PSD2: variants seen among roughly 807,000 people sequenced by gnomAD.
PSD2 encodes pleckstrin and Sec7 domain containing 2.
In PSD2, 38 loss-of-function variants were observed where a neutral mutation model predicts 69.8. The ratio of observed to expected loss-of-function variants is 0.54; its 90% CI spans 0.42 to 0.71. The LOEUF is 0.71. Among genes scored for constraint, PSD2 ranks in the 30% least tolerant of loss-of-function variants. PSD2 has a pLI of 0.00. For missense variants in PSD2, 943 were observed against 1,014.5 expected, an observed-to-expected ratio of 0.93 and a Z score of 0.96; for synonymous variants, 412 against 423.0, an observed-to-expected ratio of 0.97 and a Z score of 0.32.
upstream of PSD2, among the ~76,000 whole-genome samples, chr5:139,794,922 TAG>T (rs1041029475): frequency 2.0e-5 from 3 of 152,272 alleles, no homozygotes; most frequent in South Asian, 4.1e-4. Context: ...CTTCTTCAGT[TAG>T]AGTCCTGGGC....
At chr5:139,832,399 A>G (rs1204154296) in intron 7 of PSD2, among the ~76,000 whole-genome samples, 1 of 152,268 alleles carries the variant, frequency 6.6e-6, no homozygotes, top group Admixed American at 6.5e-5. Flanking sequence ...GAAAAGGCAT[A>G]GAAAGTTCTT....
intron 7 of PSD2, among the ~76,000 whole-genome samples, chr5:139,828,165 G>A (rs1760478536): frequency 6.6e-6 from 1 of 152,114 alleles, no homozygotes; most frequent in African/African-American, 2.4e-5. Flanking sequence ...GTTAGAATTG[G>A]AGACGGAGAC....
the PSD2 span, among the ~76,000 whole-genome samples, chr5:139,750,979 T>C: frequency 6.6e-6 from 1 of 152,174 alleles, no homozygotes; most frequent in Non-Finnish European, 1.5e-5. Flanking sequence ...GGGCTCCAAA[T>C]TGGCTCCTGA....
At chr5:139,768,204 G>A in the PSD2 span, among the ~76,000 whole-genome samples, 10 of 152,372 alleles carry the variant, frequency 6.6e-5, no homozygotes, top group Non-Finnish European at 1.2e-4. Flanking sequence ...GAAGTGGGGA[G>A]GGGGAGGAAG....
chr5:139,815,889 G>A (rs1335945428), intron 4 of PSD2, among the ~76,000 whole-genome samples: 1 of 151,650 alleles, frequency 6.6e-6, no homozygotes, highest in African/African-American at 2.4e-5. Context: ...AGCTACTCGG[G>A]AGGCTGAGGC....
rs1353536679 is a variant in PSD2 at position 139,840,139 on chromosome 5, A to G, written c.2081A>G (p.Tyr694Cys). The change falls in exon 14 of 15, where the codon TAC becomes TGC. Residue 694 changes from tyrosine (Y) to cysteine (C), a missense_variant. Around this residue, in one of 3 missense-constraint regions of PSD2, gnomAD observed 165 missense variants for 168.8 expected, o/e 0.98. Transcript: ENST00000274710. The stretch of plus-strand genomic sequence containing the variant: ...ATCAAGTCCAAGGAGGCCGAGGAGT[A>G]CCGGTTGAAGGAGCACTATCTCACC... ...RGIKSKEAEEYRLKEHYLTFE... is the reference protein window; with the variant it reads ...RGIKSKEAEECRLKEHYLTFE... 1.6e-5 allele frequency: 26 copies of G among 1,614,060 alleles called. No homozygotes were observed. Among genetic ancestry groups the G allele is most frequent in the Non-Finnish European group, 2.2e-5 (26 of 1,180,038 alleles).
the PSD2 span, among the ~76,000 whole-genome samples, chr5:139,770,531 A>G: frequency 6.6e-6 from 1 of 152,054 alleles, no homozygotes; most frequent in African/African-American, 2.4e-5. Context: ...GCGGCACTAC[A>G]CTCCAGCCTG....
the PSD2 span, among the ~76,000 whole-genome samples, chr5:139,762,581 T>C: frequency 6.6e-6 from 1 of 152,190 alleles, no homozygotes; most frequent in Non-Finnish European, 1.5e-5. Flanking sequence ...TTGTTGCCTA[T>C]TGTTAGTTGA....
the PSD2 span, among the ~76,000 whole-genome samples, chr5:139,755,635 C>CTGTG: frequency 3.0e-3 from 444 of 146,432 alleles, 2 homozygotes; most frequent in African/African-American, 4.4e-3. Flanking sequence ...TGCGGCCCTG[C>CTGTG]TGTGTGTGTG....
At chr5:139,833,543 A>G (rs1367858357) in intron 7 of PSD2, among the ~76,000 whole-genome samples, 159 bp from the exon 8 acceptor site, 1 of 152,202 alleles carries the variant, frequency 6.6e-6, no homozygotes, top group East Asian at 1.9e-4. Context: ...TGTGAGAAAG[A>G]GTTTTGTAAA....
intron 7 of PSD2, among the ~76,000 whole-genome samples, chr5:139,827,874 C>T (rs1404327783): frequency 6.6e-6 from 1 of 152,136 alleles, no homozygotes; most frequent in Non-Finnish European, 1.5e-5. Flanking sequence ...GTGGGGATTA[C>T]AATTCGAGAT....
chr5:139,820,392 A>G (rs1760228772), intron 5 of PSD2, among the ~76,000 whole-genome samples: 1 of 152,042 alleles, frequency 6.6e-6, no homozygotes, highest in African/African-American at 2.4e-5. Flanking sequence ...CAGGGAGAGG[A>G]GGACAGCGAG....
chr5:139,835,604 C>T (rs1410514774), intron 8 of PSD2, 119 bp from the exon 9 acceptor site: 8 of 964,784 alleles, frequency 8.3e-6, no homozygotes, highest in Admixed American at 3.5e-5. Context: ...GAATCAAACA[C>T]CCACTTTGCC....
Position 139,817,512 on chromosome 5 carries a change from T to C in PSD2, c.1048T>C (p.Tyr350His). The C allele has an allele frequency of 1.2e-6, 2 of 1,613,886 alleles. No homozygotes were observed. Among genetic ancestry groups the C allele is most frequent in the Non-Finnish European group, 1.7e-6 (2 of 1,179,970 alleles). ...GTTTAGCAGGCTGGTGGCCGGGGAG[T>C]ACCTCAGTTTCTTCGACTTCTCGGG... ...NEFSRLVAGEYLSFFDFSGLT... is the reference protein window; with the variant it reads ...NEFSRLVAGEHLSFFDFSGLT... The change falls in exon 5 of 15, where the codon TAC becomes CAC. Residue 350 changes from tyrosine (Y) to histidine (H), a missense_variant. By Grantham distance (83) the Tyr-to-His change is moderately conservative. Around this residue, in one of 3 missense-constraint regions of PSD2, gnomAD observed 312 missense variants for 400.7 expected, o/e 0.78. Transcript: ENST00000274710.
chr5:139,781,485 G>A, the PSD2 span, among the ~76,000 whole-genome samples: 4 of 151,726 alleles, frequency 2.6e-5, no homozygotes, highest in South Asian at 4.2e-4. Context: ...ACAGGTGTCC[G>A]CCACCACGCC....
At chr5:139,754,419 T>C in the PSD2 span, among the ~76,000 whole-genome samples, 3 of 151,846 alleles carry the variant, frequency 2.0e-5, no homozygotes, top group Non-Finnish European at 1.5e-5. Context: ...AAAAATTAGC[T>C]GGGTGTGGTG....
chr5:139,830,622 C>CTT, intron 7 of PSD2, among the ~76,000 whole-genome samples: 1 of 66,634 alleles, frequency 1.5e-5, no homozygotes, highest in Non-Finnish European at 2.7e-5. Context: ...TTCTTTCTTT[C>CTT]TTTCTCTTTC....
At chr5:139,801,116 AAT>A (rs1253054281) in intron 1 of PSD2, among the ~76,000 whole-genome samples, 5 of 151,500 alleles carry the variant, frequency 3.3e-5, no homozygotes, top group Non-Finnish European at 7.4e-5. Context: ...GAGGCAGGAG[AAT>A]TGCTTGAACC....
the PSD2 span, among the ~76,000 whole-genome samples, chr5:139,766,952 T>TCTTTCTTC: frequency 7.5e-6 from 1 of 132,856 alleles, no homozygotes. Context: ...TTTCTTTCTT[T>TCTTTCTTC]CTTTCTTTCT....
Sources: allele counts gnomAD v4.1 joint callset (sites outside exome capture counted in the v4.1 genomes callset), GRCh38; gene constraint gnomAD v4.1.1; regional missense constraint gnomAD v4.1.1; transcripts MANE v1.5; gene names NCBI Gene and HGNC (gene_info 2026-07-23, HGNC 2026-07-21).